The following ASL variants were observed in gnomAD, a reference collection of about 807,000 sequenced individuals.
ASL encodes the protein argininosuccinase.
In ASL, 51 loss-of-function variants were observed where a neutral mutation model predicts 69.1. That is an observed-to-expected ratio of 0.74 (90% CI 0.59 to 0.93). The LOEUF (loss-of-function observed/expected upper bound fraction) is 0.93, where lower values mean the gene tolerates loss of function less well. Ranked by LOEUF, ASL falls within the 40% of genes least tolerant of loss-of-function variation. The pLI is 0.00. For missense variants in ASL, 540 were observed against 623.9 expected, an observed-to-expected ratio of 0.87 and a Z score of 1.43; for synonymous variants, 241 against 247.6, an observed-to-expected ratio of 0.97 and a Z score of 0.25.
At chr7:66,082,136 C>T in intron 3 of ASL, 139 bp downstream of exon 3, 1 of 1,178,594 alleles carries the variant, frequency 8.5e-7, no homozygotes, top group Non-Finnish European at 1.2e-6. Context: ...TGCTGTTTAA[C>T]TGTGTGCCTT....
At chr7:66,091,650 T>G in intron 14 of ASL, 1 of 289,902 alleles carries the variant, frequency 3.4e-6, no homozygotes, top group Non-Finnish European at 6.7e-6. Flanking sequence ...ATCCCTTGAG[T>G]CCAGGCTGCA....
chr7:66,082,857 C>T, intron 4 of ASL, 23 bp from the exon 5 acceptor site: 1 of 1,613,264 alleles, frequency 6.2e-7, no homozygotes, highest in East Asian at 2.2e-5. Context: ...AGACCGTGAC[C>T]CTGGGTCTCC....
At chr7:66,085,772 CT>C (rs1786644799) in intron 6 of ASL, among the ~76,000 whole-genome samples, 1 of 152,064 alleles carries the variant, frequency 6.6e-6, no homozygotes, top group Non-Finnish European at 1.5e-5. Flanking sequence ...CTACGCCCGG[CT>C]AATTTTTTGT....
chr7:66,081,629 T>C (rs959165850), intron 2 of ASL, among the ~76,000 whole-genome samples, 174 bp from the exon 3 acceptor site: 2 of 151,714 alleles, frequency 1.3e-5, no homozygotes, highest in African/African-American at 4.8e-5. Context: ...CATGTTCCCA[T>C]GCTCACTCCC....
intron 8 of ASL, 131 bp downstream of exon 8, chr7:66,086,952 G>C: frequency 9.2e-7 from 1 of 1,092,432 alleles, no homozygotes; most frequent in Non-Finnish European, 1.3e-6. Flanking sequence ...ACTCTGCATG[G>C]AGCCCCAGCT....
chr7:66,093,130 C>T lies in ASL; in HGVS notation c.*218C>T, dbSNP rs115226772. 1.1e-3 allele frequency: 749 copies of T among 672,840 alleles called. 6 individuals are homozygous for T. The African/African-American group carries it at 0.013, about 11-fold the overall frequency. 41.7% of individuals were successfully genotyped at this position (672,840 alleles called of 1,614,324 possible). On this transcript the variant is annotated 3_prime_UTR_variant, in exon 17 of 17. Transcript: ENST00000304874. ...CAGGAGTTTGACACAGCCTGGGCAA[C>T]ACAGGGAGACCCCCATCTCTACTCA...
At position 66,092,442 on chromosome 7, in the gene ASL, C is replaced by T. The variant is rs868543471; in HGVS notation, c.1144-115C>T. On this transcript the variant is annotated intron_variant, in intron 15 of 16. Transcript: ENST00000304874. ...CTGCACTCCAGCCTGGGCAACAGAG[C>T]GAGACTTTGTGTCAAAAAGAAAAAA... The T allele has an allele frequency of 1.0e-4, 103 of 1,025,338 alleles. No individual in the cohort carries two copies. The African/African-American group carries it at 1.4e-3, about 14-fold the overall frequency. 63.5% of individuals were successfully genotyped at this position (1,025,338 alleles called of 1,614,324 possible). A position where few individuals can be genotyped will look rare whatever the true frequency, so the allele number is the denominator to read the frequency against.
chr7:66,080,412 A>T (rs1786470593), intron 2 of ASL, among the ~76,000 whole-genome samples: 1 of 149,912 alleles, frequency 6.7e-6, no homozygotes, highest in African/African-American at 2.4e-5. Context: ...AAAAAGAATT[A>T]AAAAAGATTT....
At chr7:66,092,128 G>A in intron 15 of ASL, 42 bp downstream of exon 15, 1 of 1,594,476 alleles carries the variant, frequency 6.3e-7, no homozygotes. Context: ...GAGATGGGGT[G>A]CCCCCCCCAG....
intron 12 of ASL, 43 bp from the exon 13 acceptor site, chr7:66,089,233 G>T (rs1051586035): frequency 3.1e-6 from 5 of 1,611,330 alleles, no homozygotes; most frequent in Non-Finnish European, 4.2e-6. Context: ...GGCCAGGGGG[G>T]CAGGATCCCG....
chr7:66,087,633 C>CT, intron 9 of ASL, 96 bp from the exon 10 acceptor site: 1 of 1,342,892 alleles, frequency 7.4e-7, no homozygotes, highest in Non-Finnish European at 1.1e-6. Context: ...GCTGTTGCCC[C>CT]ACCCTGATCA....
intron 3 of ASL, 50 bp from the exon 4 acceptor site, chr7:66,082,318 G>A: frequency 6.4e-7 from 1 of 1,551,936 alleles, no homozygotes; most frequent in Non-Finnish European, 8.8e-7. Flanking sequence ...GGCTCTCTTG[G>A]CTGCTGATGC....
chr7:66,089,102 G>C lies in ASL; in HGVS notation c.845G>C (p.Ser282Thr). 6.2e-7 allele frequency: 1 copy of C among 1,613,964 alleles called. No individual in the cohort carries two copies. The highest frequency in any genetic ancestry group is 8.5e-7 in the Non-Finnish European group (1 of 1,179,958). Residue 282 changes from serine (S) to threonine (T), a missense_variant, in exon 12 of 17, where the codon AGC becomes ACC. Physicochemically the swap from Ser to Thr is moderately conservative, Grantham distance 58. Transcript: ENST00000304874. ...ACCTCTGTCCCCAGCACGGGAAGCA[G>C]CCTGATGCCCCAGAAGAAAAACCCC... Reference protein sequence around the residue: ...QLSDAYSTGSSLMPQKKNPDS... With the variant: ...QLSDAYSTGSTLMPQKKNPDS...
intron 6 of ASL, among the ~76,000 whole-genome samples, chr7:66,083,933 T>C (rs1365163319): frequency 6.6e-6 from 1 of 152,124 alleles, no homozygotes; most frequent in East Asian, 1.9e-4. Flanking sequence ...TCTTTGGGAC[T>C]GGATTTGTTC....
chr7:66,086,909 G>C (rs1786681544), intron 8 of ASL, 88 bp downstream of exon 8: 2 of 1,465,350 alleles, frequency 1.4e-6, no homozygotes, highest in Admixed American at 4.0e-5. Flanking sequence ...GTGCAGAGTG[G>C]GACAGAAAAC....
Position 66,092,105 on chromosome 7 carries a change from G to T in ASL, c.1143+19G>T. On this transcript the variant is annotated intron_variant, in intron 15 of 16. Transcript: ENST00000304874. ...CAAAGGGGTAAGTGTGTAGCAGCCA[G>T]GGGGAGGGTGAGGAGATGGGGTGCC... The T allele has an allele frequency of 6.2e-7, 1 of 1,608,246 alleles. No homozygotes were observed.
At chr7:66,088,969 C>T (rs1229688984) in intron 11 of ASL, 48 bp downstream of exon 11, 2 of 1,607,218 alleles carry the variant, frequency 1.2e-6, no homozygotes, top group South Asian at 1.1e-5. Context: ...GCCTCTGTAT[C>T]CCCCGCCGCC....
chr7:66,092,991 C>T lies in ASL; in HGVS notation c.*79C>T, dbSNP rs901341810. On this transcript the variant is annotated 3_prime_UTR_variant, in exon 17 of 17. Transcript: ENST00000304874. ...GTTTCCTGCCCCAGCCTGGCTCCCTCGTTGCTGGGCTTTCGGGGCTGGCCA... is the reference window on the plus strand; with the variant it reads ...GTTTCCTGCCCCAGCCTGGCTCCCTTGTTGCTGGGCTTTCGGGGCTGGCCA... The T allele has an allele frequency of 2.6e-6, 4 of 1,537,612 alleles. No individual in the cohort carries two copies. The highest frequency in any genetic ancestry group is 1.4e-5 in the African/African-American group (1 of 73,112).
At chr7:66,083,249 G>A in intron 6 of ASL, 75 bp downstream of exon 6, 1 of 1,513,686 alleles carries the variant, frequency 6.6e-7, no homozygotes, top group South Asian at 1.2e-5. Context: ...AGGGGGCAGG[G>A]GTGAACAGCG....
Sources: allele counts gnomAD v4.1 joint callset (sites outside exome capture counted in the v4.1 genomes callset), GRCh38; gene constraint gnomAD v4.1.1; transcripts MANE v1.5; gene names NCBI Gene and HGNC (gene_info 2026-07-23, HGNC 2026-07-21).